Variants in LEPR observed in about 807,000 individuals in gnomAD.
LEPR encodes OB receptor.
Under a neutral mutation model 114.7 loss-of-function variants are expected in LEPR, and 56 were observed. That is an observed-to-expected ratio of 0.49 (90% CI 0.39 to 0.61). LEPR has a LOEUF of 0.61. Ranked by LOEUF, LEPR falls within the 20% of genes least tolerant of loss-of-function variation. LEPR has a pLI of 0.00. For missense variants in LEPR, 1,202 were observed against 1,352.9 expected (o/e 0.89, Z 1.75); for synonymous variants, 443 against 461.4 (o/e 0.96, Z 0.51).
At chr1:65,440,827 T>C (rs1646640361) in intron 2 of LEPR, among the ~76,000 whole-genome samples, 1 of 152,200 alleles carries the variant, frequency 6.6e-6, no homozygotes. Flanking sequence ...TTTATTCGGA[T>C]TGCTCTAGCT....
chr1:65,568,313 C>T (rs2376016), intron 3 of LEPR, among the ~76,000 whole-genome samples: 31,823 of 151,656 alleles, frequency 0.21, 3,604 homozygotes, highest in South Asian at 0.29. Flanking sequence ...GGATATGTTG[C>T]GTAGTATGTA....
At chr1:65,594,740 T>A (rs1432538727) in intron 6 of LEPR, among the ~76,000 whole-genome samples, 1 of 151,946 alleles carries the variant, frequency 6.6e-6, no homozygotes, top group Admixed American at 6.6e-5. Context: ...TATAGTATTG[T>A]ATGAGATCAC....
chr1:65,580,062 A>G (rs1299475713), intron 5 of LEPR, among the ~76,000 whole-genome samples: 1 of 152,226 alleles, frequency 6.6e-6, no homozygotes, highest in Non-Finnish European at 1.5e-5. Flanking sequence ...AAAACCTGTC[A>G]TAATTTCAAG....
intron 1 of LEPR, chr1:65,421,479 C>T (rs1197823670): frequency 6.5e-7 from 1 of 1,536,058 alleles, no homozygotes; most frequent in Non-Finnish European, 8.7e-7. Context: ...CATTCCATTT[C>T]TAATCTGTCG....
At chr1:65,455,566 TG>T (rs1182549098) in intron 2 of LEPR, among the ~76,000 whole-genome samples, 1 of 152,154 alleles carries the variant, frequency 6.6e-6, no homozygotes, top group Non-Finnish European at 1.5e-5. Context: ...CTGCCCCTGC[TG>T]GGGGGTGCCT....
At chr1:65,468,847 G>C (rs1007191196) in intron 2 of LEPR, among the ~76,000 whole-genome samples, 4 of 152,164 alleles carry the variant, frequency 2.6e-5, no homozygotes, top group African/African-American at 9.7e-5. Flanking sequence ...AGCAAGTTGG[G>C]TATAAGAAAT....
At chr1:65,579,710 C>T (rs1654850246) in intron 5 of LEPR, among the ~76,000 whole-genome samples, 1 of 152,140 alleles carries the variant, frequency 6.6e-6, no homozygotes, top group African/African-American at 2.4e-5. Context: ...GCAAAATGCT[C>T]AGTTTTAAAG....
At chr1:65,497,025 T>C (rs1648197843) in intron 2 of LEPR, among the ~76,000 whole-genome samples, 1 of 152,098 alleles carries the variant, frequency 6.6e-6, no homozygotes, top group East Asian at 1.9e-4. Flanking sequence ...TATATGTATT[T>C]TTCCCAAAAG....
intron 2 of LEPR, among the ~76,000 whole-genome samples, chr1:65,429,546 G>A (rs556283998): frequency 6.6e-6 from 1 of 152,282 alleles, no homozygotes; most frequent in Non-Finnish European, 1.5e-5. Context: ...GTTCTATAGG[G>A]AAGGCAGAAA....
intron 2 of LEPR, among the ~76,000 whole-genome samples, chr1:65,527,708 C>A (rs911866269): frequency 6.6e-6 from 1 of 152,134 alleles, no homozygotes; most frequent in Non-Finnish European, 1.5e-5. Flanking sequence ...TTTATGAGTA[C>A]ATTTTAACTT....
intron 5 of LEPR, among the ~76,000 whole-genome samples, chr1:65,574,958 G>A (rs979588149): frequency 2.6e-5 from 4 of 152,128 alleles, no homozygotes; most frequent in African/African-American, 7.2e-5. Context: ...GAAAGGACCC[G>A]GAAGAGCTGA....
At chr1:65,483,009 A>G (rs1294711808) in intron 2 of LEPR, among the ~76,000 whole-genome samples, 2 of 151,748 alleles carry the variant, frequency 1.3e-5, no homozygotes, top group Non-Finnish European at 2.9e-5. Flanking sequence ...AAAAAAGTAA[A>G]TGTGGAAGGT....
intron 2 of LEPR, among the ~76,000 whole-genome samples, chr1:65,531,435 C>CT (rs1650391587): frequency 6.7e-6 from 1 of 149,520 alleles, no homozygotes; most frequent in South Asian, 2.1e-4. Flanking sequence ...CTTTCCTTTC[C>CT]TTTCCTCTCT....
At chr1:65,531,863 T>C (rs1233403103) in intron 2 of LEPR, among the ~76,000 whole-genome samples, 1 of 152,162 alleles carries the variant, frequency 6.6e-6, no homozygotes, top group Non-Finnish European at 1.5e-5. Context: ...CATCTACAAG[T>C]GTGCTAGTAT....
chr1:65,638,189 AAAACAC>A lies in LEPR; in HGVS notation c.*1178_*1183del, dbSNP rs1658773377. 6.6e-6 allele frequency: 1 copy of A among 152,204 alleles called. No homozygotes were observed. Among genetic ancestry groups the A allele is most frequent in the African/African-American group, 2.4e-5 (1 of 41,444 alleles). 9.4% of individuals were successfully genotyped at this position (152,204 alleles called of 1,614,324 possible). A position where few individuals can be genotyped will look rare whatever the true frequency, so the allele number is the denominator to read the frequency against. ...ACATAGTGAGGCCTCGTCTCTACAAAAAACACAAAAATTAGCTGAGTGTGACAGAAA... is the reference window on the plus strand; with the variant it reads ...ACATAGTGAGGCCTCGTCTCTACAAAAAAAATTAGCTGAGTGTGACAGAAA... On this transcript the variant is annotated 3_prime_UTR_variant, in exon 20 of 20. Coordinates refer to ENST00000349533, the MANE Select transcript of LEPR (RefSeq NM_002303.6).
intron 2 of LEPR, among the ~76,000 whole-genome samples, chr1:65,480,306 G>C (rs1473716883): frequency 1.3e-5 from 2 of 152,150 alleles, no homozygotes; most frequent in Non-Finnish European, 1.5e-5. Flanking sequence ...GTGAAAACCA[G>C]CTAGTCTGGG....
intron 5 of LEPR, among the ~76,000 whole-genome samples, chr1:65,587,012 C>T (rs1002676940): frequency 3.0e-5 from 4 of 134,700 alleles, no homozygotes; most frequent in Admixed American, 7.3e-5. Context: ...ATTTTAAATT[C>T]GCCCTTTTTT....
intron 19 of LEPR, chr1:65,634,603 T>C: frequency 9.4e-6 from 9 of 958,372 alleles, no homozygotes; most frequent in Non-Finnish European, 1.1e-5. Flanking sequence ...GCATTTACAG[T>C]ATTTGCTTTC....
At chr1:65,508,740 T>C (rs1648880983) in intron 2 of LEPR, among the ~76,000 whole-genome samples, 1 of 152,198 alleles carries the variant, frequency 6.6e-6, no homozygotes, top group Admixed American at 6.5e-5. Flanking sequence ...ATTAGCATTT[T>C]GGTAGGGATT....
Sources: allele counts gnomAD v4.1 joint callset (sites outside exome capture counted in the v4.1 genomes callset), GRCh38; gene constraint gnomAD v4.1.1; transcripts MANE v1.5; gene names NCBI Gene and HGNC (gene_info 2026-07-23, HGNC 2026-07-21).